Variants in PPARGC1A observed in about 807,000 individuals in gnomAD.
PPARGC1A encodes PPARG coactivator 1 alpha.
PPARGC1A carries 25 observed loss-of-function variants against 88.7 expected under a neutral mutation model. That is an observed-to-expected ratio of 0.28 (90% confidence interval 0.21 to 0.39). The LOEUF (loss-of-function observed/expected upper bound fraction) is 0.39, where lower values mean the gene tolerates loss of function less well. Ranked by LOEUF, PPARGC1A falls within the 10% of genes least tolerant of loss-of-function variation. PPARGC1A has a pLI of 1.00. For synonymous variants in PPARGC1A, 363 were observed against 355.6 expected (o/e 1.02, Z -0.24); for missense variants, 880 against 968.7 (o/e 0.91, Z 1.22).
the PPARGC1A span, among the ~76,000 whole-genome samples, chr4:24,167,169 T>G: frequency 6.6e-6 from 1 of 152,150 alleles, no homozygotes; most frequent in Admixed American, 6.5e-5. Context: ...TTCCAGTCCT[T>G]CTAGATGACT....
rs996011010 is a variant in PPARGC1A at position 23,899,089 on chromosome 4, C to A, written n.52+178G>T. On this transcript the variant is annotated intron_variant and non_coding_transcript_variant, in intron 1 of 3. Coordinates refer to the PPARGC1A transcript ENST00000507342. ...ACTCCAGACCTGATGATCCACCCCC[C>A]CCCGGCCTTGGCCTTCCAAAGTGCT... 4.0e-5 allele frequency among the ~76,000 whole-genome samples: 6 copies of A among 151,818 alleles called. No individual in the cohort carries two copies. In the East Asian group the frequency reaches 1.2e-3, roughly 29 times the overall value.
chr4:23,955,894 C>T, the PPARGC1A span, among the ~76,000 whole-genome samples: 2 of 152,140 alleles, frequency 1.3e-5, no homozygotes, highest in South Asian at 4.1e-4. Flanking sequence ...TCTCTCTAGA[C>T]CTGAAGTCAG....
At chr4:24,405,532 C>G in the PPARGC1A span, among the ~76,000 whole-genome samples, 1 of 152,180 alleles carries the variant, frequency 6.6e-6, no homozygotes, top group African/African-American at 2.4e-5. Context: ...ATAATCAGTG[C>G]TATTCTTGGA....
chr4:24,183,882 A>G, the PPARGC1A span, among the ~76,000 whole-genome samples: 1 of 152,260 alleles, frequency 6.6e-6, no homozygotes, highest in Non-Finnish European at 1.5e-5. Context: ...AAGAAAAGAT[A>G]TAAAACTTCA....
At chr4:24,120,810 G>A in the PPARGC1A span, among the ~76,000 whole-genome samples, 1 of 152,104 alleles carries the variant, frequency 6.6e-6, no homozygotes, top group African/African-American at 2.4e-5. Context: ...CTAGAAAGTG[G>A]TCCCTCACCA....
chr4:23,794,701 A>G lies in PPARGC1A; in HGVS notation c.*1121T>C, dbSNP rs1004252891. 6.6e-6 allele frequency: 1 copy of G among 152,564 alleles called. No homozygotes were observed. Among genetic ancestry groups the G allele is most frequent in the African/African-American group, 2.4e-5 (1 of 41,460 alleles). 9.5% of individuals were successfully genotyped at this position (152,564 alleles called of 1,614,324 possible). A position where few individuals can be genotyped will look rare whatever the true frequency, so the allele number is the denominator to read the frequency against. ...GTAACAAAAAAGAACATTGTTGTAT[A>G]GTATATACATAAAATAAAAATACTC... On this transcript the variant is annotated 3_prime_UTR_variant, in exon 13 of 13. Transcript: ENST00000264867.
the PPARGC1A span, among the ~76,000 whole-genome samples, chr4:24,065,467 C>T: frequency 7.9e-5 from 12 of 152,190 alleles, no homozygotes; most frequent in Admixed American, 6.5e-4. Context: ...GCTTGTTCTC[C>T]GTTCGGCAAT....
the PPARGC1A span, among the ~76,000 whole-genome samples, chr4:24,327,723 TC>T: frequency 1.3e-5 from 2 of 151,904 alleles, no homozygotes; most frequent in Non-Finnish European, 2.9e-5. Flanking sequence ...CTGAGAAACA[TC>T]ACCCAGTCTC....
At chr4:24,417,780 ACATAT>A in the PPARGC1A span, among the ~76,000 whole-genome samples, 1 of 152,172 alleles carries the variant, frequency 6.6e-6, no homozygotes, top group African/African-American at 2.4e-5. Context: ...TCTTTTTATA[ACATAT>A]ATGTATAGAA....
chr4:23,799,290 C>T (rs555609897), intron 12 of PPARGC1A, among the ~76,000 whole-genome samples: 2 of 152,186 alleles, frequency 1.3e-5, no homozygotes, highest in South Asian at 2.1e-4. Flanking sequence ...CGACTTTACA[C>T]TTCTAACTTC....
intron 8 of PPARGC1A, among the ~76,000 whole-genome samples, chr4:23,813,400 T>A (rs1721312930): frequency 6.6e-6 from 1 of 152,174 alleles, no homozygotes; most frequent in Non-Finnish European, 1.5e-5. Context: ...TCCACTATCC[T>A]GGCACAGGGC....
chr4:24,375,895 CAAGGG>C, the PPARGC1A span, among the ~76,000 whole-genome samples: 12 of 152,028 alleles, frequency 7.9e-5, no homozygotes, highest in Admixed American at 6.6e-4. Flanking sequence ...ACAGGGGGTC[CAAGGG>C]TGAAGAGGAA....
the PPARGC1A span, among the ~76,000 whole-genome samples, chr4:23,995,069 T>C: frequency 6.6e-5 from 10 of 152,100 alleles, no homozygotes; most frequent in Non-Finnish European, 1.0e-4. Context: ...AATCAATCTC[T>C]TGTGGTGGCA....
the PPARGC1A span, among the ~76,000 whole-genome samples, chr4:24,167,576 T>G: frequency 6.6e-6 from 1 of 152,290 alleles, no homozygotes; most frequent in African/African-American, 2.4e-5. Flanking sequence ...TGAGGCAAAC[T>G]TCTCTGCTGT....
At chr4:24,094,676 T>C in the PPARGC1A span, among the ~76,000 whole-genome samples, 7 of 152,214 alleles carry the variant, frequency 4.6e-5, no homozygotes, top group South Asian at 6.2e-4. Context: ...TGTAGCTCTA[T>C]ATGAATTCAA....
chr4:24,142,673 CAAAAAAT>C, the PPARGC1A span, among the ~76,000 whole-genome samples: 1 of 146,712 alleles, frequency 6.8e-6, no homozygotes, highest in African/African-American at 2.5e-5. Flanking sequence ...GGCTCCATCT[CAAAAAAT>C]AAAAAATAAA....
the PPARGC1A span, among the ~76,000 whole-genome samples, chr4:23,964,752 C>T: frequency 6.6e-6 from 1 of 151,956 alleles, no homozygotes; most frequent in South Asian, 2.1e-4. Context: ...TGGAGGGGAA[C>T]CAACACTGGA....
At chr4:23,869,641 T>C (rs1043936404) in intron 2 of PPARGC1A, among the ~76,000 whole-genome samples, 1 of 122,806 alleles carries the variant, frequency 8.1e-6, no homozygotes, top group Non-Finnish European at 1.6e-5. Flanking sequence ...TTCATTTATT[T>C]ATAAGAGTCT....
chr4:23,873,224 T>A (rs113013339), intron 2 of PPARGC1A, among the ~76,000 whole-genome samples: 58,509 of 103,070 alleles, frequency 0.57, 18,925 homozygotes, highest in Non-Finnish European at 0.67. Flanking sequence ...AAATAAAAAA[T>A]AAAGAAAAAA....
Sources: allele counts gnomAD v4.1 joint callset (sites outside exome capture counted in the v4.1 genomes callset), GRCh38; gene constraint gnomAD v4.1.1; transcripts MANE v1.5; gene names NCBI Gene and HGNC (gene_info 2026-07-23, HGNC 2026-07-21).